Variants in CENPP observed in about 807,000 individuals in gnomAD.
The protein encoded by CENPP is centromere protein P.
Under a neutral mutation model 35.6 loss-of-function variants are expected in CENPP, and 24 were observed. The ratio of observed to expected loss-of-function variants is 0.67; its 90% CI spans 0.49 to 0.95. The LOEUF is 0.95. Ranked by LOEUF, CENPP falls within the 40% of genes least tolerant of loss-of-function variation. The pLI is 0.00. For synonymous variants in CENPP, 120 were observed against 125.5 expected, an observed-to-expected ratio of 0.96 and a Z score of 0.29; for missense variants, 332 against 345.3, an observed-to-expected ratio of 0.96 and a Z score of 0.31.
rs1453707209 is a variant in CENPP, at chr9:92,615,254, C to T, written c.*2105C>T. 6.5e-6 allele frequency: 1 copy of T among 154,430 alleles called. No homozygotes were observed. Among genetic ancestry groups the T allele is most frequent in the African/African-American group, 2.4e-5 (1 of 41,370 alleles). 9.6% of individuals were successfully genotyped at this position (154,430 alleles called of 1,614,324 possible). ...GGAACTGTGGGCTTCAGCACCTCCA[C>T]AGGGACCCTGAGTCTACACTGCTCA... On this transcript the variant is annotated 3_prime_UTR_variant, in exon 8 of 8. Transcript: ENST00000375587.
chr9:92,557,154 C>G (rs1354561062), intron 5 of CENPP, among the ~76,000 whole-genome samples: 3 of 152,166 alleles, frequency 2.0e-5, no homozygotes, highest in South Asian at 2.1e-4. Flanking sequence ...GGGTCCCAAT[C>G]CCTTCTAGCT....
At chr9:92,457,537 G>A (rs1267299371) in intron 5 of CENPP, 7 of 1,325,462 alleles carry the variant, frequency 5.3e-6, no homozygotes, top group East Asian at 4.6e-5. Context: ...AAATGTAAAC[G>A]GAAGATACTC....
At chr9:92,365,638 T>C in intron 4 of CENPP, among the ~76,000 whole-genome samples, 1 of 151,718 alleles carries the variant, frequency 6.6e-6, no homozygotes, top group Middle Eastern at 3.2e-3. Context: ...CTCGAATTCA[T>C]GACCTTAGGT....
chr9:92,390,081 C>G (rs992598936), intron 5 of CENPP: 3 of 1,324,196 alleles, frequency 2.3e-6, no homozygotes, highest in Non-Finnish European at 3.2e-6. Flanking sequence ...ATATAAAAAA[C>G]AACTACGTAA....
Position 92,611,186 on chromosome 9 carries a change from C to CT in CENPP, c.565-128_565-127insT, listed in dbSNP as rs1310460940. 3.7e-5 allele frequency: 27 copies of CT among 735,658 alleles called. No individual in the cohort carries two copies. In the African/African-American group the frequency reaches 3.8e-4, roughly 10 times the overall value. The allele number at this position is 735,658 out of a possible 1,614,324, so 45.6% of individuals were successfully genotyped here. A position where few individuals can be genotyped will look rare whatever the true frequency, so the allele number is the denominator to read the frequency against. On this transcript the variant is annotated intron_variant, in intron 5 of 7. Transcript: ENST00000375587. ...CAAGGGCAAGAGGGGCGGTTGGCAC[C>CT]CATGGATGCTGCGCAAACACTCGGA...
Position 92,375,713 on chromosome 9 carries a change from CT to C in CENPP, c.468-4049del, listed in dbSNP as rs1842110631. 2.6e-5 allele frequency among the ~76,000 whole-genome samples: 4 copies of C among 152,184 alleles called. No homozygotes were observed. The South Asian group carries it at 8.3e-4, about 32-fold the overall frequency. Reference sequence around the variant, plus strand: ...TTCTATTTCTTTTAAAAAAATTTCTCTCTTTATTGCCATTTCCTGTTTGTTG... The same window carrying C: ...TTCTATTTCTTTTAAAAAAATTTCTCCTTTATTGCCATTTCCTGTTTGTTG... On this transcript the variant is annotated intron_variant, in intron 4 of 7. Transcript: ENST00000375587.
chr9:92,354,399 A>G (rs1330196525), intron 4 of CENPP, among the ~76,000 whole-genome samples: 1 of 152,222 alleles, frequency 6.6e-6, no homozygotes, highest in Non-Finnish European at 1.5e-5. Context: ...TTGCTGAGCC[A>G]TGCGTAACCT....
chr9:92,364,098 C>T (rs1841828393), intron 4 of CENPP, among the ~76,000 whole-genome samples: 1 of 152,002 alleles, frequency 6.6e-6, no homozygotes. Flanking sequence ...GATCCATCCA[C>T]TTTGGCATCC....
Position 92,346,013 on chromosome 9 carries a change from T to C in CENPP, c.467+226T>C, listed in dbSNP as rs369421753. ...TGTGCTGGGTATTAAAATTAAAATGTGAGCAAAAAAAGACACAATCCTCAG... is the reference window on the plus strand; with the variant it reads ...TGTGCTGGGTATTAAAATTAAAATGCGAGCAAAAAAAGACACAATCCTCAG... On this transcript the variant is annotated intron_variant, in intron 4 of 7. Transcript: ENST00000375587. 4.6e-5 allele frequency among the ~76,000 whole-genome samples: 7 copies of C among 152,186 alleles called. No individual in the cohort carries two copies. In the East Asian group the frequency reaches 9.6e-4, roughly 21 times the overall value.
chr9:92,386,481 G>C (rs1383247796), intron 5 of CENPP, among the ~76,000 whole-genome samples: 1 of 152,000 alleles, frequency 6.6e-6, no homozygotes, highest in Non-Finnish European at 1.5e-5. Flanking sequence ...CTGACTTCAC[G>C]TGTAGTGTAT....
At chr9:92,455,336 G>A (rs1177694251) in intron 5 of CENPP, among the ~76,000 whole-genome samples, 3 of 152,118 alleles carry the variant, frequency 2.0e-5, no homozygotes, top group Non-Finnish European at 1.5e-5. Context: ...GCTACAGTGT[G>A]CTATGATCAC....
chr9:92,379,346 G>A (rs955342139), intron 4 of CENPP, among the ~76,000 whole-genome samples: 5 of 152,176 alleles, frequency 3.3e-5, no homozygotes, highest in African/African-American at 4.8e-5. Context: ...TCTGCAATAC[G>A]TAGAAGCCAC....
intron 5 of CENPP, among the ~76,000 whole-genome samples, chr9:92,546,443 A>G (rs73522352): frequency 0.011 from 1,645 of 152,286 alleles, 40 homozygotes; most frequent in African/African-American, 0.038. Flanking sequence ...TCATGGGGGA[A>G]GATCTGCAGC....
chr9:92,548,592 T>G (rs1367618055), intron 5 of CENPP, among the ~76,000 whole-genome samples: 2 of 152,226 alleles, frequency 1.3e-5, no homozygotes, highest in Non-Finnish European at 2.9e-5. Flanking sequence ...TAATTGTCTT[T>G]ATACAGTGAG....
At chr9:92,368,158 C>T (rs896626310) in intron 4 of CENPP, among the ~76,000 whole-genome samples, 2 of 152,124 alleles carry the variant, frequency 1.3e-5, no homozygotes, top group African/African-American at 4.8e-5. Context: ...GATGATGATG[C>T]TATATAGCCA....
intron 4 of CENPP, among the ~76,000 whole-genome samples, chr9:92,365,406 C>CTTTT (rs33952600): frequency 9.8e-5 from 8 of 81,494 alleles, no homozygotes; most frequent in South Asian, 4.2e-4. Context: ...TATAACTACT[C>CTTTT]TTTTTTTTTT....
At chr9:92,371,345 T>C (rs1228591798) in intron 4 of CENPP, among the ~76,000 whole-genome samples, 1 of 152,232 alleles carries the variant, frequency 6.6e-6, no homozygotes, top group Non-Finnish European at 1.5e-5. Context: ...TTTTTTTATT[T>C]CTATCTTAAT....
intron 4 of CENPP, among the ~76,000 whole-genome samples, chr9:92,359,761 C>T (rs1277953544): frequency 6.6e-6 from 1 of 151,108 alleles, no homozygotes; most frequent in Middle Eastern, 3.2e-3. Context: ...GAACAAAACA[C>T]AGATCCTTTA....
chr9:92,332,044 G>C (rs936620578), intron 1 of CENPP, 126 bp from the exon 2 acceptor site: 1 of 472,164 alleles, frequency 2.1e-6, no homozygotes, highest in Non-Finnish European at 3.6e-6. Flanking sequence ...TTATTTTAAT[G>C]GGGGAAGGTG....
Sources: gnomAD v4.1 joint callset for allele counts (sites outside exome capture counted in the v4.1 genomes callset) on GRCh38, gnomAD v4.1.1 for gene constraint, MANE v1.5 for transcripts, NCBI Gene and HGNC (gene_info 2026-07-23, HGNC 2026-07-21) for gene names.